Variants in CD300LB observed in about 807,000 individuals in gnomAD.
CD300LB encodes the protein CMRF35-like molecule 7.
A neutral mutation model predicts 20.8 loss-of-function variants in CD300LB; 18 were observed. The observed-to-expected ratio is 0.87, with a 90% CI of 0.60 to 1.28. The LOEUF (loss-of-function observed/expected upper bound fraction) is 1.28, where lower values mean the gene tolerates loss of function less well. Among genes scored for constraint, CD300LB ranks in the 50% most tolerant of loss-of-function variants. The pLI is 0.00. For missense variants in CD300LB, 222 were observed against 251.8 expected (o/e 0.88, Z 0.80); for synonymous variants, 91 against 91.3 (o/e 1.00, Z 0.02).
rs1199971033 is a variant in CD300LB, at chr17:74,521,936, G to A, written c.*802C>T. Reference sequence around the variant, plus strand: ...GGTGCCATTTCCTGCGATGGTTTTCGTTACTGCCCTCCCCACCTGGAGGTG... The same window carrying A: ...GGTGCCATTTCCTGCGATGGTTTTCATTACTGCCCTCCCCACCTGGAGGTG... On this transcript the variant is annotated 3_prime_UTR_variant, in exon 4 of 4. Transcript: ENST00000392621. 7.1e-6 allele frequency: 7 copies of A among 985,314 alleles called. No individual in the cohort carries two copies. The highest frequency in any genetic ancestry group is 1.1e-4 in the East Asian group (1 of 8,828). 61.0% of individuals were successfully genotyped at this position (985,314 alleles called of 1,614,324 possible).
intron 1 of CD300LB, among the ~76,000 whole-genome samples, chr17:74,527,888 C>T (rs1020990181): frequency 1.1e-4 from 16 of 152,124 alleles, no homozygotes; most frequent in African/African-American, 3.1e-4. Flanking sequence ...GGCAAGCAAG[C>T]GAAGCTTCAT....
chr17:74,522,824 C>G lies in CD300LB; in HGVS notation c.520G>C (p.Gly174Arg), dbSNP rs1485160316. The change falls in exon 4 of 4, where the codon GGG becomes CGG. Residue 174 changes from glycine to arginine, a missense_variant. By Grantham distance (125) the Gly-to-Arg change is moderately radical. Transcript: ENST00000392621. ...ILVTAILWLKGSQRVPEEPGE... is the reference protein window; with the variant it reads ...ILVTAILWLKRSQRVPEEPGE... ...GGCTCCTCAGGGACCCTCTGAGACC[C>G]CTTCAACCAGAGGATGGCAGTGACC... 6.2e-7 allele frequency: 1 copy of G among 1,614,044 alleles called. No homozygotes were observed. The highest frequency in any genetic ancestry group is 2.2e-5 in the East Asian group (1 of 44,866).
chr17:74,522,396 G>C lies in CD300LB; in HGVS notation c.*342C>G. 3.9e-6 allele frequency: 4 copies of C among 1,032,270 alleles called. No individual in the cohort carries two copies. Among genetic ancestry groups the C allele is most frequent in the Non-Finnish European group, 4.7e-6 (4 of 860,044 alleles). The allele number at this position is 1,032,270 out of a possible 1,614,324, so 63.9% of individuals were successfully genotyped here. A position where few individuals can be genotyped will look rare whatever the true frequency, so the allele number is the denominator to read the frequency against. On this transcript the variant is annotated 3_prime_UTR_variant, in exon 4 of 4. Coordinates refer to ENST00000392621, the MANE Select transcript of CD300LB (RefSeq NM_174892.4). Reference sequence around the variant, plus strand: ...AATGATGGAAGTCTAGGGCTGGGGGGGTCTCCCCCAACCTCTTTCTGTACT... The same window carrying C: ...AATGATGGAAGTCTAGGGCTGGGGGCGTCTCCCCCAACCTCTTTCTGTACT...
intron 2 of CD300LB, among the ~76,000 whole-genome samples, chr17:74,524,869 C>T (rs1907984709): frequency 6.6e-6 from 1 of 152,186 alleles, no homozygotes; most frequent in Non-Finnish European, 1.5e-5. Context: ...TCTGGGTTTC[C>T]CCTACTTGGC....
chr17:74,525,864 C>T lies in CD300LB; in HGVS notation c.254G>A (p.Arg85His), dbSNP rs778159853. ...RVSIKDNQKDRTFTVTMEGLR... is the reference protein window; with the variant it reads ...RVSIKDNQKDHTFTVTMEGLR... The stretch of plus-strand genomic sequence containing the variant: ...CCCCTCCATGGTCACAGTGAACGTG[C>T]GGTCTTTCTGATTGTCCTTGATGGA... The change falls in exon 2 of 4, where the codon CGC becomes CAC. Residue 85 changes from arginine (R) to histidine (H), a missense_variant. Coordinates refer to ENST00000392621, the MANE Select transcript of CD300LB (RefSeq NM_174892.4). The T allele has an allele frequency of 2.5e-6, 4 of 1,614,140 alleles. No individual in the cohort carries two copies. The highest frequency in any genetic ancestry group is 1.6e-4 in the Middle Eastern group (1 of 6,062).
chr17:74,528,348 A>G (rs1392268893), intron 1 of CD300LB, among the ~76,000 whole-genome samples: 1 of 152,112 alleles, frequency 6.6e-6, no homozygotes, highest in Non-Finnish European at 1.5e-5. Flanking sequence ...CTTGCACCTC[A>G]ATTTTAACCA....
rs1166996007 is a variant in CD300LB, at chr17:74,526,036, CTG to C, written c.80_81del (p.Pro27ArgfsTer12). 2 of 1,614,002 alleles carry C rather than the reference CTG, an allele frequency of 1.2e-6. No individual in the cohort carries two copies. The highest frequency in any genetic ancestry group is 1.7e-6 in the Non-Finnish European group (2 of 1,179,966). On this transcript the variant is annotated frameshift_variant, in exon 2 of 4. Coordinates refer to ENST00000392621, the MANE Select transcript of CD300LB (RefSeq NM_174892.4). LOFTEE classifies it high-confidence loss of function. ...SIQGPESVRA[P>X]EQGSLTVQCH... The stretch of plus-strand genomic sequence containing the variant: ...CATTGAACCGTCAGGGACCCCTGCT[CTG>C]GGGCTCTCACAGACTCTGGGCCTTG...
rs897440444 is a variant in CD300LB, at chr17:74,522,638, C to G, written c.*100G>C. 6.4e-7 allele frequency: 1 copy of G among 1,554,556 alleles called. No homozygotes were observed. Among genetic ancestry groups the G allele is most frequent in the African/African-American group, 1.4e-5 (1 of 73,540 alleles). ...CAGGGCGGAGGCCCAGGGCCCCTAT[C>G]TCAGTCACTGCATCCCGAGGACTCG... is the stretch of plus-strand genomic sequence containing the variant. On this transcript the variant is annotated 3_prime_UTR_variant, in exon 4 of 4. Transcript: ENST00000392621.
At position 74,522,715 on chromosome 17, in the gene CD300LB, GA is replaced by G; in HGVS notation, c.*22del. Reference sequence around the variant, plus strand: ...TCTTCTGGAAACGTGGCCAGGGCAGGAAGGCTCTGCAGATCCATCTCTCTAA... The same window carrying G: ...TCTTCTGGAAACGTGGCCAGGGCAGGAGGCTCTGCAGATCCATCTCTCTAA... On this transcript the variant is annotated 3_prime_UTR_variant, in exon 4 of 4. Coordinates refer to ENST00000392621, the MANE Select transcript of CD300LB (RefSeq NM_174892.4). 6.2e-7 allele frequency: 1 copy of G among 1,613,674 alleles called. No homozygotes were observed. The highest frequency in any genetic ancestry group is 8.5e-7 in the Non-Finnish European group (1 of 1,179,678).
intron 2 of CD300LB, among the ~76,000 whole-genome samples, chr17:74,524,594 C>CAAACA (rs1408832454): frequency 1.3e-5 from 2 of 152,106 alleles, no homozygotes; most frequent in Non-Finnish European, 2.9e-5. Flanking sequence ...TCTCAAAAAA[C>CAAACA]AAACAAAACA....
chr17:74,530,620 G>A (rs1198801640), intron 1 of CD300LB, among the ~76,000 whole-genome samples: 3 of 150,568 alleles, frequency 2.0e-5, no homozygotes, highest in Non-Finnish European at 4.4e-5. Context: ...TCTCCTCTCA[G>A]CTCTGCTCCA....
At chr17:74,526,122 A>G (rs762943340) in intron 1 of CD300LB, 45 bp from the exon 2 acceptor site, 4 of 1,585,864 alleles carry the variant, frequency 2.5e-6, no homozygotes. Context: ...ACCGGCACGA[A>G]CCCCTGCTCT....
intron 3 of CD300LB, chr17:74,523,286 G>C: frequency 1.9e-6 from 1 of 535,376 alleles, no homozygotes; most frequent in Non-Finnish European, 3.4e-6. Context: ...CACAGAGGGT[G>C]GTATCTTATC....
chr17:74,522,969 C>G, intron 3 of CD300LB, 69 bp from the exon 4 acceptor site: 1 of 1,455,556 alleles, frequency 6.9e-7, no homozygotes, highest in South Asian at 1.2e-5. Context: ...TCCCCTGACC[C>G]TGTGAGCCAC....
chr17:74,527,731 C>T (rs1256065054), intron 1 of CD300LB, among the ~76,000 whole-genome samples: 1 of 152,102 alleles, frequency 6.6e-6, no homozygotes, highest in Non-Finnish European at 1.5e-5. Context: ...AGGCCACCGG[C>T]CAAGGAAAGC....
chr17:74,521,442 T>C lies in CD300LB; in HGVS notation c.*1296A>G. 1 of 985,468 alleles carries C rather than the reference T, an allele frequency of 1.0e-6. No homozygotes were observed. The allele number at this position is 985,468 out of a possible 1,614,324, so 61.0% of individuals were successfully genotyped here. ...GTCCCTCACAGAATGACTCAGGGGA[T>C]CTTAGCCGGGCTCGAACTCTCCTCT... On this transcript the variant is annotated 3_prime_UTR_variant, in exon 4 of 4. Transcript: ENST00000392621.
intron 2 of CD300LB, 125 bp downstream of exon 2, chr17:74,525,623 C>A: frequency 3.4e-6 from 1 of 291,570 alleles, no homozygotes; most frequent in Non-Finnish European, 6.1e-6. Flanking sequence ...GTCTGTCTGT[C>A]TCTCTCTCTC....
In CD300LB at chr17:74,522,903, G is replaced by A. The variant is rs1315681734; in HGVS notation, c.444-3C>T. ...ATACCAGGAGCATGTAGTGGTTCCTGGGGAAGGGGATGCAGTGGTCAGAGC... is the reference window on the plus strand; with the variant it reads ...ATACCAGGAGCATGTAGTGGTTCCTAGGGAAGGGGATGCAGTGGTCAGAGC... On this transcript the variant is annotated splice_polypyrimidine_tract_variant and splice_region_variant and intron_variant, in intron 3 of 3. Transcript: ENST00000392621. 2.5e-6 allele frequency: 4 copies of A among 1,612,958 alleles called. No individual in the cohort carries two copies.
rs1314749608 is a variant in CD300LB at position 74,522,389 on chromosome 17, C to T, written c.*349G>A. 2 of 1,025,926 alleles carry T rather than the reference C, an allele frequency of 1.9e-6. No individual in the cohort carries two copies. The highest frequency in any genetic ancestry group is 1.2e-6 in the Non-Finnish European group (1 of 855,958). The allele number at this position is 1,025,926 out of a possible 1,614,324, so 63.6% of individuals were successfully genotyped here. On this transcript the variant is annotated 3_prime_UTR_variant, in exon 4 of 4. Transcript: ENST00000392621. ...TCTCCGGAATGATGGAAGTCTAGGGCTGGGGGGGTCTCCCCCAACCTCTTT... is the reference window on the plus strand; with the variant it reads ...TCTCCGGAATGATGGAAGTCTAGGGTTGGGGGGGTCTCCCCCAACCTCTTT...
Sources: gnomAD v4.1 joint callset for allele counts (sites outside exome capture counted in the v4.1 genomes callset) on GRCh38, gnomAD v4.1.1 for gene constraint, MANE v1.5 for transcripts, NCBI Gene and HGNC (gene_info 2026-07-23, HGNC 2026-07-21) for gene names.